MECOM: variants seen among roughly 807,000 people sequenced by gnomAD.
MECOM encodes MDS1 and EVI1 complex locus.
Under a neutral mutation model 116.3 loss-of-function variants are expected in MECOM, and 13 were observed. That is an observed-to-expected ratio of 0.11 (90% CI 0.07 to 0.18). MECOM has a LOEUF of 0.18. Ranked by LOEUF, MECOM falls within the 10% of genes least tolerant of loss-of-function variation. The pLI is 1.00. For missense variants in MECOM, 1,299 were observed against 1,509.0 expected (o/e 0.86, Z 2.31); for synonymous variants, 528 against 535.2 (o/e 0.99, Z 0.19).
At chr3:169,111,300 A>C (rs1727300750) in intron 9 of MECOM, among the ~76,000 whole-genome samples, 1 of 152,228 alleles carries the variant, frequency 6.6e-6, no homozygotes, top group South Asian at 2.1e-4. Context: ...GATTATCAGA[A>C]CATGAAAATC....
At chr3:169,224,076 G>C (rs1164538366) in intron 2 of MECOM, among the ~76,000 whole-genome samples, 1 of 152,172 alleles carries the variant, frequency 6.6e-6, no homozygotes, top group Non-Finnish European at 1.5e-5. Flanking sequence ...CCACTGACGG[G>C]GGTGCCTTTC....
intron 13 of MECOM, 111 bp downstream of exon 13, chr3:169,094,965 C>T: frequency 2.1e-6 from 2 of 945,494 alleles, no homozygotes; most frequent in Non-Finnish European, 2.9e-6. Flanking sequence ...TACAATAAGA[C>T]CTGATTTTGG....
At chr3:169,109,501 A>C (rs1370385903) in intron 9 of MECOM, among the ~76,000 whole-genome samples, 1 of 149,406 alleles carries the variant, frequency 6.7e-6, no homozygotes, top group Non-Finnish European at 1.5e-5. Flanking sequence ...TGCAACCTCC[A>C]CCTCCTGGGT....
chr3:169,206,842 A>G (rs1749999394), intron 2 of MECOM, among the ~76,000 whole-genome samples: 1 of 152,120 alleles, frequency 6.6e-6, no homozygotes. Context: ...ATAATACATA[A>G]AAAACAAATT....
chr3:169,288,991 G>C (rs938551305), intron 2 of MECOM, among the ~76,000 whole-genome samples: 2 of 152,160 alleles, frequency 1.3e-5, no homozygotes, highest in African/African-American at 4.8e-5. Flanking sequence ...CCAGAGAAGA[G>C]AGCAATAAAA....
intron 2 of MECOM, among the ~76,000 whole-genome samples, chr3:169,330,126 A>G (rs1236895948): frequency 1.3e-5 from 2 of 152,124 alleles, no homozygotes; most frequent in African/African-American, 2.4e-5. Flanking sequence ...CCCAGGCTTA[A>G]GTGATCCTCC....
At chr3:169,574,838 A>C (rs933980280) in intron 1 of MECOM, among the ~76,000 whole-genome samples, 13 of 152,236 alleles carry the variant, frequency 8.5e-5, no homozygotes, top group Middle Eastern at 6.8e-3. Flanking sequence ...AAAAAAAAAA[A>C]AACTTTTCAA....
chr3:169,108,236 T>C (rs1209293600), intron 9 of MECOM, among the ~76,000 whole-genome samples: 1 of 152,214 alleles, frequency 6.6e-6, no homozygotes, highest in Non-Finnish European at 1.5e-5. Context: ...GCTTCCTTTT[T>C]ATTAACTACT....
chr3:169,429,569 A>T (rs1741268369), intron 1 of MECOM, among the ~76,000 whole-genome samples: 1 of 152,208 alleles, frequency 6.6e-6, no homozygotes, highest in East Asian at 1.9e-4. Flanking sequence ...CTACCAGATG[A>T]GATGTAAAGT....
intron 16 of MECOM, among the ~76,000 whole-genome samples, chr3:169,085,516 CTT>C (rs1282069058): frequency 1.3e-5 from 2 of 152,180 alleles, no homozygotes; most frequent in Non-Finnish European, 2.9e-5. Flanking sequence ...GCTTGAGTGA[CTT>C]GCCCAAAGTC....
At chr3:169,101,848 C>T (rs1723657219) in intron 11 of MECOM, among the ~76,000 whole-genome samples, 1 of 152,146 alleles carries the variant, frequency 6.6e-6, no homozygotes, top group Admixed American at 6.5e-5. Context: ...TTTATCACAA[C>T]CAAATGTCCT....
At chr3:169,260,056 T>C (rs1448589912) in intron 2 of MECOM, among the ~76,000 whole-genome samples, 1 of 152,252 alleles carries the variant, frequency 6.6e-6, no homozygotes, top group East Asian at 1.9e-4. Context: ...TGTTAACTAT[T>C]ATGACTGAAA....
At chr3:169,637,893 G>A (rs1773008327) in intron 1 of MECOM, among the ~76,000 whole-genome samples, 1 of 152,148 alleles carries the variant, frequency 6.6e-6, no homozygotes, top group South Asian at 2.1e-4. Flanking sequence ...GGTCAAAGGA[G>A]ACATAACCTT....
intron 2 of MECOM, among the ~76,000 whole-genome samples, chr3:169,278,907 C>T (rs1017169457): frequency 2.0e-5 from 3 of 152,176 alleles, no homozygotes; most frequent in Non-Finnish European, 1.5e-5. Context: ...ACACTAAAAA[C>T]ATTCAGTACT....
chr3:169,524,039 A>AATATATATATATATATAT (rs10575336), intron 1 of MECOM, among the ~76,000 whole-genome samples: 3 of 138,246 alleles, frequency 2.2e-5, no homozygotes, highest in African/African-American at 5.3e-5. Context: ...TATATGAATA[A>AATATATATATATATATAT]ATATATATAT....
chr3:169,475,517 T>G (rs1375706084), intron 1 of MECOM, among the ~76,000 whole-genome samples: 1 of 151,996 alleles, frequency 6.6e-6, no homozygotes, highest in Non-Finnish European at 1.5e-5. Context: ...TTTCTTTTAA[T>G]GGACACATGG....
chr3:169,268,448 T>C (rs1324867076), intron 2 of MECOM, among the ~76,000 whole-genome samples: 1 of 152,198 alleles, frequency 6.6e-6, no homozygotes, highest in African/African-American at 2.4e-5. Flanking sequence ...TCCCTTCTTA[T>C]AAGCCTCCAA....
chr3:169,399,620 A>C (rs1454760517), intron 1 of MECOM, among the ~76,000 whole-genome samples: 1 of 152,236 alleles, frequency 6.6e-6, no homozygotes, highest in Non-Finnish European at 1.5e-5. Flanking sequence ...TTTGATAAAT[A>C]AACCAGAGTA....
At chr3:169,401,323 C>A (rs1331586578) in intron 1 of MECOM, among the ~76,000 whole-genome samples, 4 of 152,032 alleles carry the variant, frequency 2.6e-5, no homozygotes, top group African/African-American at 4.8e-5. Context: ...CCCACCCCCA[C>A]CCCTGACCCA....
Sources: gnomAD v4.1 joint callset for allele counts (sites outside exome capture counted in the v4.1 genomes callset) on GRCh38, gnomAD v4.1.1 for gene constraint, MANE v1.5 for transcripts, NCBI Gene and HGNC (gene_info 2026-07-23, HGNC 2026-07-21) for gene names.